Variants in UBAP1 observed in about 807,000 individuals in gnomAD.
The protein encoded by UBAP1 is ubiquitin associated protein 1.
UBAP1 carries 5 observed loss-of-function variants against 39.0 expected under a neutral mutation model. The ratio of observed to expected loss-of-function variants is 0.13; its 90% CI spans 0.07 to 0.27. UBAP1 has a LOEUF of 0.27. Among genes scored for constraint, UBAP1 ranks in the 10% least tolerant of loss-of-function variants. The pLI, the probability that UBAP1 is intolerant of heterozygous loss-of-function variation, is 1.00. For synonymous variants in UBAP1, 211 were observed against 225.1 expected, an observed-to-expected ratio of 0.94 and a Z score of 0.56; for missense variants, 490 against 608.1, an observed-to-expected ratio of 0.81 and a Z score of 2.04.
intron 4 of UBAP1, among the ~76,000 whole-genome samples, chr9:34,246,428 T>C (rs1489394088): frequency 6.6e-6 from 1 of 152,238 alleles, no homozygotes; most frequent in Non-Finnish European, 1.5e-5. Context: ...GACATTTTAG[T>C]GTGTTAAATG....
chr9:34,248,617 T>C (rs1834300399), intron 4 of UBAP1, among the ~76,000 whole-genome samples: 1 of 152,196 alleles, frequency 6.6e-6, no homozygotes. Flanking sequence ...TCTTGTACCA[T>C]AATGACAGCC....
intron 1 of UBAP1, among the ~76,000 whole-genome samples, chr9:34,216,073 AGTT>A (rs1201877789): frequency 2.0e-5 from 3 of 152,142 alleles, no homozygotes; most frequent in Non-Finnish European, 4.4e-5. Flanking sequence ...TCTTCTATCT[AGTT>A]GTTCACTGCC....
chr9:34,241,395 T>G lies in UBAP1; in HGVS notation c.370T>G (p.Leu124Val). The G allele has an allele frequency of 1.2e-5, 19 of 1,568,416 alleles. No individual in the cohort carries two copies. The highest frequency in any genetic ancestry group is 1.6e-5 in the Non-Finnish European group (19 of 1,157,094). The change falls in exon 4 of 7, where the codon TTG becomes GTG. Residue 124 changes from leucine (L) to valine (V), a missense_variant. Coordinates refer to ENST00000297661, the MANE Select transcript of UBAP1 (RefSeq NM_016525.5). ...TCCTATTAACCCCATCCTCGCCAGC[T>G]TGCAGCACAACAGCATCCTCACACC... ...PPPINPILAS[L>V]QHNSILTPTR...
intron 1 of UBAP1, among the ~76,000 whole-genome samples, chr9:34,188,543 A>G (rs1483050230): frequency 6.6e-6 from 1 of 151,060 alleles, no homozygotes; most frequent in Non-Finnish European, 1.5e-5. Context: ...CTGGGATTAC[A>G]GACGTGAGCC....
At chr9:34,210,597 T>A (rs573295291) in intron 1 of UBAP1, among the ~76,000 whole-genome samples, 1 of 151,838 alleles carries the variant, frequency 6.6e-6, no homozygotes, top group Non-Finnish European at 1.5e-5. Context: ...TGTGTGCCTG[T>A]AGTACCAGCT....
chr9:34,222,030 A>G (rs141499238), intron 2 of UBAP1, among the ~76,000 whole-genome samples: 16 of 152,198 alleles, frequency 1.1e-4, no homozygotes, highest in African/African-American at 3.9e-4. Flanking sequence ...TCAGGGGGCT[A>G]AGGTGGGAGG....
chr9:34,224,521 G>T, intron 2 of UBAP1: 1 of 417,568 alleles, frequency 2.4e-6, no homozygotes, highest in Non-Finnish European at 4.3e-6. Flanking sequence ...GGCCAATGTT[G>T]GTGTTGGCAG....
At chr9:34,218,019 G>A (rs1258301477) in intron 1 of UBAP1, among the ~76,000 whole-genome samples, 3 of 150,878 alleles carry the variant, frequency 2.0e-5, no homozygotes, top group South Asian at 2.1e-4. Context: ...TTGGGAGGCC[G>A]AGGCGGGTGG....
chr9:34,202,584 A>AGGGCTATG (rs1831436934), intron 1 of UBAP1, among the ~76,000 whole-genome samples: 2 of 145,058 alleles, frequency 1.4e-5, no homozygotes. Context: ...GACTCCAGCA[A>AGGGCTATG]GGGCTATGGG....
intron 2 of UBAP1, among the ~76,000 whole-genome samples, chr9:34,231,200 CAGA>C (rs1204055683): frequency 6.9e-6 from 1 of 144,928 alleles, no homozygotes; most frequent in African/African-American, 2.6e-5. Context: ...AGATTGAATC[CAGA>C]AGAAGTATAA....
At chr9:34,193,438 C>T (rs1774074726) in intron 1 of UBAP1, among the ~76,000 whole-genome samples, 1 of 152,126 alleles carries the variant, frequency 6.6e-6, no homozygotes, top group South Asian at 2.1e-4. Flanking sequence ...GGGGGTTTTT[C>T]ACCTCTGCAC....
intron 2 of UBAP1, among the ~76,000 whole-genome samples, chr9:34,227,875 A>G (rs9695200): frequency 0.7 from 106,643 of 152,130 alleles, 39,414 homozygotes; most frequent in East Asian, 0.95. Context: ...AAAATGGACA[A>G]TTCCACTTTG....
intron 4 of UBAP1, among the ~76,000 whole-genome samples, chr9:34,248,083 T>C (rs1487035230): frequency 6.6e-6 from 1 of 151,900 alleles, no homozygotes; most frequent in Admixed American, 6.6e-5. Context: ...TCACCCAGGC[T>C]GGAGTGCAAT....
intron 6 of UBAP1, 190 bp downstream of exon 6, chr9:34,250,949 T>C (rs1834473841): frequency 3.3e-6 from 2 of 606,052 alleles, no homozygotes; most frequent in Non-Finnish European, 6.0e-6. Context: ...GGTTGAAGCA[T>C]TGGGTTGAAA....
chr9:34,218,410 A>C (rs1425129677), intron 1 of UBAP1, among the ~76,000 whole-genome samples: 10 of 151,988 alleles, frequency 6.6e-5, no homozygotes. Context: ...GCCTCTCTCA[A>C]GTTCTTTACC....
chr9:34,203,867 A>T (rs1198739780), intron 1 of UBAP1, among the ~76,000 whole-genome samples: 1 of 152,168 alleles, frequency 6.6e-6, no homozygotes, highest in African/African-American at 2.4e-5. Context: ...ACAAGGCTGT[A>T]TTATTTCTGT....
intron 2 of UBAP1, among the ~76,000 whole-genome samples, chr9:34,225,761 CAG>C (rs1336784913): frequency 7.1e-6 from 1 of 140,822 alleles, no homozygotes; most frequent in East Asian, 2.1e-4. Context: ...GCCTGGGTGA[CAG>C]AGCAAGACGC....
At chr9:34,212,344 A>G (rs1278006523) in intron 1 of UBAP1, among the ~76,000 whole-genome samples, 1 of 151,618 alleles carries the variant, frequency 6.6e-6, no homozygotes. Flanking sequence ...TTGAGTTCAG[A>G]AGTTCAAAAC....
chr9:34,179,348 G>A, intron 1 of UBAP1, 108 bp downstream of exon 1: 1 of 863,572 alleles, frequency 1.2e-6, no homozygotes, highest in South Asian at 6.0e-5. Flanking sequence ...GAGGTGAAGG[G>A]CGCCGGAGCT....
Sources: gnomAD v4.1 joint callset for allele counts (sites outside exome capture counted in the v4.1 genomes callset) on GRCh38, gnomAD v4.1.1 for gene constraint, MANE v1.5 for transcripts, NCBI Gene and HGNC (gene_info 2026-07-23, HGNC 2026-07-21) for gene names.